Variants in SLC25A10 observed in about 807,000 individuals in gnomAD.
The protein encoded by SLC25A10 is solute carrier family 25 member 10, also known as mitochondrial dicarboxylate carrier.
SLC25A10 carries 32 observed loss-of-function variants against 40.4 expected under a neutral mutation model. The observed-to-expected ratio is 0.79, with a 90% CI of 0.60 to 1.06. The LOEUF (loss-of-function observed/expected upper bound fraction) is 1.06, where lower values mean the gene tolerates loss of function less well. Ranked by LOEUF, SLC25A10 falls within the 50% of genes least tolerant of loss-of-function variation. The pLI is 0.00. For missense variants in SLC25A10, 394 were observed against 402.6 expected, an observed-to-expected ratio of 0.98 and a Z score of 0.18; for synonymous variants, 181 against 171.1, an observed-to-expected ratio of 1.06 and a Z score of -0.45.
Position 81,720,055 on chromosome 17 carries a change from T to C in SLC25A10, c.842T>C (p.Phe281Ser). The change falls in exon 11 of 11, where the codon TTT (phenylalanine) becomes TCT (serine). Residue 281 changes from phenylalanine to serine, a missense_variant. Coordinates refer to ENST00000350690, the MANE Select transcript of SLC25A10 (RefSeq NM_012140.5). ...TTTCTGGAACAGCTACGCAAAAACT[T>C]TGGCATCAAAGTGCCATCCTGACCA... ...FVFLEQLRKN[F>S]GIKVPS 6.2e-7 allele frequency: 1 copy of C among 1,613,426 alleles called. No individual in the cohort carries two copies. The highest frequency in any genetic ancestry group is 8.5e-7 in the Non-Finnish European group (1 of 1,180,024).
chr17:81,719,923 G>A, intron 10 of SLC25A10, 36 bp downstream of exon 10: 4 of 1,613,620 alleles, frequency 2.5e-6, no homozygotes, highest in Non-Finnish European at 3.4e-6. Context: ...TTGGGCAATG[G>A]GGAGCGGGCC....
chr17:81,713,399 A>G lies in SLC25A10; in HGVS notation c.93+880A>G, dbSNP rs935541565. ...GTGGTCACTGGGCAGCCGCCTGTCT[A>G]GGGGACCTTTATTTTAGCAGCCTGT... On this transcript the variant is annotated intron_variant, in intron 1 of 10. Coordinates refer to ENST00000350690, the MANE Select transcript of SLC25A10 (RefSeq NM_012140.5). The G allele has an allele frequency of 5.1e-6, 5 of 978,032 alleles. No homozygotes were observed. The African/African-American group carries it at 7.0e-5, about 14-fold the overall frequency. The allele number at this position is 978,032 out of a possible 1,614,324, so 60.6% of individuals were successfully genotyped here. A position where few individuals can be genotyped will look rare whatever the true frequency, so the allele number is the denominator to read the frequency against.
At chr17:81,716,574 G>A (rs992948314) in intron 5 of SLC25A10, 8 of 590,388 alleles carry the variant, frequency 1.4e-5, no homozygotes, top group South Asian at 4.1e-5. Context: ...TGCTAGGAGC[G>A]GTGCCCAGCC....
At chr17:81,714,324 AGTG>A (rs991570612) in intron 1 of SLC25A10, among the ~76,000 whole-genome samples, 1 of 152,146 alleles carries the variant, frequency 6.6e-6, no homozygotes, top group African/African-American at 2.4e-5. Context: ...AGGTCCTGTG[AGTG>A]GTGGAGGCCA....
chr17:81,713,532 C>T (rs1000397725), intron 1 of SLC25A10: 3 of 977,348 alleles, frequency 3.1e-6, no homozygotes, highest in African/African-American at 3.5e-5. Flanking sequence ...CGTCTTGGGG[C>T]ACCTGAGACC....
rs2037398036 is a variant in SLC25A10, at chr17:81,712,378, AGGGCCGGGGTCGGGTTGTGGTC to A, written c.-40_-19del. On this transcript the variant is annotated 5_prime_UTR_variant, in exon 1 of 11. Transcript: ENST00000350690. The stretch of plus-strand genomic sequence containing the variant: ...CGCTGCGGCCGGTACACGCCGGGGT[AGGGCCGGGGTCGGGTTGTGGTC>A]GGGCCGGGATTGGGCTCTCCTGGGC... 1 of 1,145,932 alleles carries A rather than the reference AGGGCCGGGGTCGGGTTGTGGTC, an allele frequency of 8.7e-7. No individual in the cohort carries two copies. Among genetic ancestry groups the A allele is most frequent in the Non-Finnish European group, 1.1e-6 (1 of 910,338 alleles). The allele number at this position is 1,145,932 out of a possible 1,614,324, so 71.0% of individuals were successfully genotyped here.
intron 8 of SLC25A10, 80 bp from the exon 9 acceptor site, chr17:81,717,704 G>A: frequency 2.0e-6 from 3 of 1,511,162 alleles, no homozygotes; most frequent in Non-Finnish European, 2.7e-6. Context: ...GAGTCAGGTG[G>A]AGGTTCTGGC....
chr17:81,717,286 GGACA>G (rs2037506321), intron 7 of SLC25A10, 109 bp from the exon 8 acceptor site: 3 of 1,156,824 alleles, frequency 2.6e-6, no homozygotes, highest in Non-Finnish European at 3.8e-6. Context: ...CCTCACGGAC[GGACA>G]GACGGAGCAG....
chr17:81,717,133 G>C, intron 7 of SLC25A10, 61 bp downstream of exon 7: 1 of 1,560,176 alleles, frequency 6.4e-7, no homozygotes. Flanking sequence ...TCCATCTTCA[G>C]AGGGGCCATA....
At position 81,712,517 on chromosome 17, in the gene SLC25A10, A is replaced by T; in HGVS notation, c.91A>T (p.Lys31Ter). Residue 31 changes from lysine to a stop codon, truncating the protein, a stop_gained and splice_region_variant, in exon 1 of 11, where the codon AAG becomes TAG. Transcript: ENST00000350690. LOFTEE classifies it high-confidence loss of function. ...CTGCACGCACCCGCTGGACCTGCTCAAGGTGAGGCCGGGGCCCGGGACGCG... is the reference window on the plus strand; with the variant it reads ...CTGCACGCACCCGCTGGACCTGCTCTAGGTGAGGCCGGGGCCCGGGACGCG... ...ACCTHPLDLL[K>*]VHLQTQQEVK... The T allele has an allele frequency of 8.0e-7, 1 of 1,256,112 alleles. No homozygotes were observed. Among genetic ancestry groups the T allele is most frequent in the Non-Finnish European group, 1.0e-6 (1 of 999,648 alleles). 77.8% of individuals were successfully genotyped at this position (1,256,112 alleles called of 1,614,324 possible). A position where few individuals can be genotyped will look rare whatever the true frequency, so the allele number is the denominator to read the frequency against.
chr17:81,719,696 C>A, intron 9 of SLC25A10, 135 bp from the exon 10 acceptor site: 1 of 770,436 alleles, frequency 1.3e-6, no homozygotes, highest in Non-Finnish European at 2.1e-6. Flanking sequence ...AGCCGCCGCT[C>A]ACACCCACAC....
chr17:81,717,613 G>T (rs2037513797), intron 8 of SLC25A10, 122 bp downstream of exon 8: 2 of 1,319,306 alleles, frequency 1.5e-6, no homozygotes, highest in South Asian at 2.4e-5. Flanking sequence ...GCCCCCTGGG[G>T]CTCATAAGTG....
intron 4 of SLC25A10, 93 bp downstream of exon 4, chr17:81,715,834 G>A: frequency 1.3e-6 from 2 of 1,545,146 alleles, no homozygotes; most frequent in Non-Finnish European, 1.8e-6. Flanking sequence ...GGTGGGGTCA[G>A]CCTGGAATAA....
rs2037553783 is a variant in SLC25A10 at position 81,719,717 on chromosome 17, A to G, written c.706-114A>G. 3 of 1,244,144 alleles carry G rather than the reference A, an allele frequency of 2.4e-6. No homozygotes were observed. The African/African-American group carries it at 4.4e-5, about 18-fold the overall frequency. The allele number at this position is 1,244,144 out of a possible 1,614,324, so 77.1% of individuals were successfully genotyped here. On this transcript the variant is annotated intron_variant, in intron 9 of 10. Transcript: ENST00000350690. ...CGCTCACACCCACACCCACACCCAC[A>G]CCCCACATTGAGAATGCCCAGGCCA...
intron 5 of SLC25A10, 110 bp downstream of exon 5, chr17:81,716,160 G>A: frequency 1.6e-6 from 2 of 1,223,968 alleles, no homozygotes; most frequent in South Asian, 1.3e-5. Flanking sequence ...AGGCCGAGGT[G>A]CCTGCACGGT....
rs762863244 is a variant in SLC25A10 at position 81,717,388 on chromosome 17, T to G, written c.535-11T>G. The stretch of plus-strand genomic sequence containing the variant: ...CCCCCTACAGCCCTGACCGCCCTTG[T>G]GCCCCTGCAGCTGTCCTGCTACGAC... On this transcript the variant is annotated splice_polypyrimidine_tract_variant and intron_variant, in intron 7 of 10. Transcript: ENST00000350690. The G allele has an allele frequency of 3.7e-6, 6 of 1,612,920 alleles. No homozygotes were observed. Among genetic ancestry groups the G allele is most frequent in the African/African-American group, 1.3e-5 (1 of 74,928 alleles).
chr17:81,712,803 C>G (rs2037410046), intron 1 of SLC25A10, among the ~76,000 whole-genome samples: 1 of 152,270 alleles, frequency 6.6e-6, no homozygotes, highest in Non-Finnish European at 1.5e-5. Flanking sequence ...CACTTTAATA[C>G]CTGGTGACCT....
chr17:81,713,778 T>A (rs2037427942), intron 1 of SLC25A10, among the ~76,000 whole-genome samples: 2 of 152,092 alleles, frequency 1.3e-5, no homozygotes, highest in Admixed American at 6.5e-5. Context: ...TTGTCCGGGG[T>A]CTGAGCCCCA....
chr17:81,714,989 A>G lies in SLC25A10; in HGVS notation c.130A>G (p.Met44Val), dbSNP rs763062634. ...GACGCAGCAGGAGGTGAAGCTGCGC[A>G]TGACGGGCATGGCGCTGCGGGTGGT... ...LQTQQEVKLR[M>V]TGMALRVVRT... Residue 44 changes from methionine to valine, a missense_variant, in exon 2 of 11, where the codon ATG becomes GTG. Transcript: ENST00000350690. The G allele has an allele frequency of 1.8e-5, 29 of 1,609,658 alleles. No homozygotes were observed. The highest frequency in any genetic ancestry group is 4.2e-6 in the Non-Finnish European group (5 of 1,179,938).
Sources: allele counts gnomAD v4.1 joint callset (sites outside exome capture counted in the v4.1 genomes callset), GRCh38; gene constraint gnomAD v4.1.1; transcripts MANE v1.5; gene names NCBI Gene and HGNC (gene_info 2026-07-23, HGNC 2026-07-21).